Variants in SMIM36 observed in about 807,000 individuals in gnomAD.
SMIM36 encodes small integral membrane protein 36.
chr17:55,518,181 TA>T, the SMIM36 span, among the ~76,000 whole-genome samples: 1 of 152,204 alleles, frequency 6.6e-6, no homozygotes, highest in African/African-American at 2.4e-5. Context: ...TGGTAGAAGG[TA>T]AAAGGACAAG....
At chr17:55,475,227 C>A (rs555726338) in intron 3 of SMIM36, among the ~76,000 whole-genome samples, 1 of 152,182 alleles carries the variant, frequency 6.6e-6, no homozygotes, top group Non-Finnish European at 1.5e-5. Flanking sequence ...CCGGTTTACA[C>A]TTTTTCTCCA....
chr17:55,517,302 G>C, the SMIM36 span, among the ~76,000 whole-genome samples: 20,405 of 152,188 alleles, frequency 0.13, 1,759 homozygotes, highest in East Asian at 0.32. Flanking sequence ...TGTAATACCA[G>C]CACTTTGGGA....
At chr17:55,501,608 A>G (rs968720030) in intron 1 of SMIM36, among the ~76,000 whole-genome samples, 1 of 136,028 alleles carries the variant, frequency 7.4e-6, no homozygotes, top group Non-Finnish European at 1.5e-5. Flanking sequence ...AAATCAGTGT[A>G]TATATATTAA....
intron 1 of SMIM36, among the ~76,000 whole-genome samples, chr17:55,498,725 G>A (rs576688963): frequency 1.8e-4 from 28 of 151,982 alleles, no homozygotes; most frequent in African/African-American, 6.3e-4. Context: ...CAGGTCGGGC[G>A]TGGTGGCTCA....
At chr17:55,530,984 G>T in the SMIM36 span, among the ~76,000 whole-genome samples, 1 of 152,122 alleles carries the variant, frequency 6.6e-6, no homozygotes, top group Non-Finnish European at 1.5e-5. Context: ...TAATAATAAT[G>T]ATTTAATTTC....
chr17:55,514,865 G>A (rs1391266068), upstream of SMIM36, among the ~76,000 whole-genome samples: 1 of 152,082 alleles, frequency 6.6e-6, no homozygotes, highest in East Asian at 1.9e-4. Flanking sequence ...AGAGTGCCTT[G>A]CTTCCTTGAT....
At chr17:55,469,152 A>C (rs962367073) in intron 3 of SMIM36, among the ~76,000 whole-genome samples, 3 of 151,784 alleles carry the variant, frequency 2.0e-5, no homozygotes, top group African/African-American at 7.3e-5. Flanking sequence ...GCTCCTCACC[A>C]GGCCCAATTC....
chr17:55,471,436 CA>C (rs1303439492), intron 3 of SMIM36, among the ~76,000 whole-genome samples: 1 of 152,156 alleles, frequency 6.6e-6, no homozygotes, highest in Non-Finnish European at 1.5e-5. Flanking sequence ...TTACCTATCT[CA>C]GTATAATCCT....
chr17:55,454,871 T>A (rs2143226733), intron 4 of SMIM36, among the ~76,000 whole-genome samples: 1 of 152,358 alleles, frequency 6.6e-6, no homozygotes, highest in African/African-American at 2.4e-5. Flanking sequence ...AACATGAGAT[T>A]TAATGACCAT....
intron 3 of SMIM36, among the ~76,000 whole-genome samples, chr17:55,475,787 G>A (rs570172638): frequency 1.5e-4 from 23 of 152,200 alleles, no homozygotes; most frequent in African/African-American, 4.6e-4. Flanking sequence ...TGGACCTTGT[G>A]TCTTCTGTTT....
At chr17:55,463,894 T>C (rs1196627536) in intron 4 of SMIM36, among the ~76,000 whole-genome samples, 1 of 152,036 alleles carries the variant, frequency 6.6e-6, no homozygotes, top group African/African-American at 2.4e-5. Context: ...GACAGGGGGA[T>C]CACTTGAGGC....
the SMIM36 span, among the ~76,000 whole-genome samples, chr17:55,523,093 T>A: frequency 6.6e-6 from 1 of 152,146 alleles, no homozygotes; most frequent in Non-Finnish European, 1.5e-5. Context: ...ATATATTGAA[T>A]CCCTAACCTC....
At chr17:55,502,105 G>A (rs1451269211) in intron 1 of SMIM36, among the ~76,000 whole-genome samples, 4 of 151,436 alleles carry the variant, frequency 2.6e-5, no homozygotes, top group Non-Finnish European at 5.9e-5. Flanking sequence ...TGCTAGCACA[G>A]CAGTCTGTGA....
At chr17:55,512,791 A>C (rs1910204259), upstream of SMIM36, among the ~76,000 whole-genome samples, 1 of 152,220 alleles carries the variant, frequency 6.6e-6, no homozygotes, top group South Asian at 2.1e-4. Context: ...GGGCATCAGT[A>C]GCCTTTTCTC....
chr17:55,482,058 A>C (rs919075270), intron 1 of SMIM36, among the ~76,000 whole-genome samples: 1 of 152,178 alleles, frequency 6.6e-6, no homozygotes, highest in Non-Finnish European at 1.5e-5. Flanking sequence ...AACCCTCTCC[A>C]TTGAGCTGAC....
chr17:55,501,824 C>T (rs1264933654), intron 1 of SMIM36, among the ~76,000 whole-genome samples: 2 of 151,116 alleles, frequency 1.3e-5, no homozygotes, highest in Non-Finnish European at 2.9e-5. Flanking sequence ...GTACCGGGTT[C>T]ATCTCACTAG....
At chr17:55,515,109 T>C (rs1397345394), upstream of SMIM36, among the ~76,000 whole-genome samples, 1 of 139,104 alleles carries the variant, frequency 7.2e-6, no homozygotes. Flanking sequence ...TTTTTTTTTT[T>C]TTTTTGCGCT....
intron 4 of SMIM36, among the ~76,000 whole-genome samples, chr17:55,465,188 C>T (rs1474029859): frequency 6.6e-6 from 1 of 152,158 alleles, no homozygotes; most frequent in African/African-American, 2.4e-5. Flanking sequence ...ACTGTTCAAA[C>T]AAAATGAACA....
At chr17:55,530,852 G>A in the SMIM36 span, among the ~76,000 whole-genome samples, 1 of 152,238 alleles carries the variant, frequency 6.6e-6, no homozygotes, top group East Asian at 1.9e-4. Flanking sequence ...TTGTCTGCGG[G>A]GAATGAGGAA....
Sources: allele counts gnomAD v4.1 joint callset (sites outside exome capture counted in the v4.1 genomes callset), GRCh38; gene constraint gnomAD v4.1.1; transcripts MANE v1.5; gene names NCBI Gene and HGNC (gene_info 2026-07-23, HGNC 2026-07-21).